The following GALNT1 variants were observed in gnomAD, a reference collection of about 807,000 sequenced individuals.
GALNT1 encodes polypeptide N-acetylgalactosaminyltransferase 1, also known as GalNAc transferase 1.
In GALNT1, 17 loss-of-function variants were observed where a neutral mutation model predicts 65.7. That is an observed-to-expected ratio of 0.26 (90% CI 0.18 to 0.39). The LOEUF is 0.39. GALNT1 is among the 10% of genes least tolerant of loss of function. GALNT1 has a pLI of 1.00. For synonymous variants in GALNT1, 210 were observed against 219.7 expected, an observed-to-expected ratio of 0.96 and a Z score of 0.39; for missense variants, 460 against 672.8, an observed-to-expected ratio of 0.68 and a Z score of 3.50.
intron 4 of GALNT1, among the ~76,000 whole-genome samples, chr18:35,680,258 A>G (rs778728918): frequency 2.6e-5 from 4 of 152,178 alleles, no homozygotes; most frequent in Non-Finnish European, 5.9e-5. Context: ...CCATCTCCCC[A>G]GCACTGTTAA....
intron 1 of GALNT1, among the ~76,000 whole-genome samples, chr18:35,594,532 A>G (rs564702237): frequency 1.3e-5 from 2 of 152,316 alleles, no homozygotes; most frequent in Admixed American, 6.5e-5. Context: ...GAACTTTCTA[A>G]TGCCACTATC....
intron 1 of GALNT1, among the ~76,000 whole-genome samples, chr18:35,641,065 A>T (rs539843827): frequency 6.6e-6 from 1 of 152,160 alleles, no homozygotes; most frequent in African/African-American, 2.4e-5. Flanking sequence ...GCCTCAAGCA[A>T]TCCTCCCACC....
intron 1 of GALNT1, among the ~76,000 whole-genome samples, chr18:35,626,194 A>G (rs970242499): frequency 6.6e-6 from 1 of 152,198 alleles, no homozygotes; most frequent in Non-Finnish European, 1.5e-5. Context: ...AAACTGTGAA[A>G]TGACATGCAA....
intron 1 of GALNT1, among the ~76,000 whole-genome samples, chr18:35,640,353 A>T (rs1027363447): frequency 6.8e-6 from 1 of 146,122 alleles, no homozygotes; most frequent in Admixed American, 7.0e-5. Context: ...ATACCATTTC[A>T]GGTAGGAAAA....
chr18:35,621,046 T>C (rs2046844849), intron 1 of GALNT1, among the ~76,000 whole-genome samples: 1 of 152,230 alleles, frequency 6.6e-6, no homozygotes, highest in Non-Finnish European at 1.5e-5. Context: ...CAGATTCATT[T>C]TCCTGAGTAC....
intron 3 of GALNT1, among the ~76,000 whole-genome samples, chr18:35,668,730 A>G (rs796401964): frequency 2.0e-5 from 3 of 152,266 alleles, no homozygotes; most frequent in African/African-American, 4.8e-5. Context: ...ACAATGCTGC[A>G]TTGTACCCTT....
chr18:35,583,568 T>C (rs751723614), intron 1 of GALNT1, among the ~76,000 whole-genome samples: 7 of 152,322 alleles, frequency 4.6e-5, no homozygotes, highest in Non-Finnish European at 8.8e-5. Context: ...AATAAGCACT[T>C]GGTATAAATG....
At chr18:35,623,313 C>T (rs1024697758) in intron 1 of GALNT1, among the ~76,000 whole-genome samples, 1 of 151,914 alleles carries the variant, frequency 6.6e-6, no homozygotes, top group African/African-American at 2.4e-5. Context: ...CCTGTACATA[C>T]ATTTTTTTTT....
intron 4 of GALNT1, among the ~76,000 whole-genome samples, chr18:35,682,908 TAA>T (rs34199709): frequency 0.087 from 10,345 of 118,360 alleles, 422 homozygotes; most frequent in African/African-American, 0.11. Context: ...GCCCCCTGAT[TAA>T]AAAAAAAAAA....
rs901428543 is a variant in GALNT1, at chr18:35,711,605, A to G, written c.*1835A>G. 6.6e-6 allele frequency: 1 copy of G among 152,174 alleles called. No individual in the cohort carries two copies. The highest frequency in any genetic ancestry group is 1.5e-5 in the Non-Finnish European group (1 of 68,030). The allele number at this position is 152,174 out of a possible 1,614,324, so 9.4% of individuals were successfully genotyped here. Reference sequence around the variant, plus strand: ...GAATAAGCAAGATGTCTAATCAATAAATTATTTTCATGCTCAGAATTTCAG... The same window carrying G: ...GAATAAGCAAGATGTCTAATCAATAGATTATTTTCATGCTCAGAATTTCAG... On this transcript the variant is annotated 3_prime_UTR_variant, in exon 12 of 12. Transcript: ENST00000269195.
chr18:35,675,856 T>C (rs894933074), intron 3 of GALNT1, among the ~76,000 whole-genome samples: 7 of 152,154 alleles, frequency 4.6e-5, no homozygotes, highest in Non-Finnish European at 1.0e-4. Context: ...TCTGACCCCC[T>C]TTTACCCATA....
intron 1 of GALNT1, among the ~76,000 whole-genome samples, chr18:35,585,153 C>A (rs888595727): frequency 6.6e-6 from 1 of 152,146 alleles, no homozygotes; most frequent in Non-Finnish European, 1.5e-5. Context: ...TAAACTCCTG[C>A]ACCTGACTTT....
intron 1 of GALNT1, among the ~76,000 whole-genome samples, chr18:35,619,158 C>T (rs1242992167): frequency 2.0e-5 from 3 of 152,124 alleles, no homozygotes; most frequent in Non-Finnish European, 4.4e-5. Context: ...CTAACCAGAA[C>T]ACTGTCTTTC....
chr18:35,624,396 A>G (rs72960675), intron 1 of GALNT1, among the ~76,000 whole-genome samples: 5,553 of 152,200 alleles, frequency 0.036, 132 homozygotes, highest in Non-Finnish European at 0.055. Flanking sequence ...AAGCTCCTCT[A>G]CTTTTCTGTG....
At chr18:35,675,896 T>C (rs114238782) in intron 3 of GALNT1, among the ~76,000 whole-genome samples, 1 of 152,190 alleles carries the variant, frequency 6.6e-6, no homozygotes, top group Non-Finnish European at 1.5e-5. Context: ...CAGAGTCTTA[T>C]TCCAGGAGTC....
rs200581857 is a variant in GALNT1 at position 35,687,344 on chromosome 18, AAAG to A, written c.860+162_860+164del. ...CATCTTTCACATATGTGAGTGTTTTAAAGAAGGATTTCTCCTCTAATAAAATTA... is the reference window on the plus strand; with the variant it reads ...CATCTTTCACATATGTGAGTGTTTTAAAGGATTTCTCCTCTAATAAAATTA... On this transcript the variant is annotated intron_variant, in intron 6 of 11. Transcript: ENST00000269195. 5.9e-5 allele frequency among the ~76,000 whole-genome samples: 9 copies of A among 152,186 alleles called. No homozygotes were observed. In the East Asian group the frequency reaches 1.2e-3, roughly 20 times the overall value.
intron 7 of GALNT1, among the ~76,000 whole-genome samples, 180 bp downstream of exon 7, chr18:35,689,470 A>G (rs2047921900): frequency 6.6e-6 from 1 of 152,184 alleles, no homozygotes; most frequent in Non-Finnish European, 1.5e-5. Flanking sequence ...CTATTGAAGC[A>G]AATAATTTAG....
At chr18:35,605,301 C>G (rs2046632223) in intron 1 of GALNT1, among the ~76,000 whole-genome samples, 1 of 151,998 alleles carries the variant, frequency 6.6e-6, no homozygotes, top group Non-Finnish European at 1.5e-5. Flanking sequence ...AATTCAAGAC[C>G]AGCCTGGCCA....
chr18:35,657,803 G>A (rs1488625317), intron 2 of GALNT1, among the ~76,000 whole-genome samples: 1 of 152,190 alleles, frequency 6.6e-6, no homozygotes, highest in Non-Finnish European at 1.5e-5. Flanking sequence ...TAGGGATGTG[G>A]CTGTTCTTTA....
Sources: gnomAD v4.1 joint callset for allele counts (sites outside exome capture counted in the v4.1 genomes callset) on GRCh38, gnomAD v4.1.1 for gene constraint, MANE v1.5 for transcripts, NCBI Gene and HGNC (gene_info 2026-07-23, HGNC 2026-07-21) for gene names.